Variants in COG5 observed in about 807,000 individuals in gnomAD.
COG5 encodes the protein component of oligomeric golgi complex 5, also known as conserved oligomeric Golgi complex subunit 5.
A neutral mutation model predicts 110.4 loss-of-function variants in COG5; 86 were observed. The ratio of observed to expected loss-of-function variants is 0.78; its 90% CI spans 0.65 to 0.93. The LOEUF (loss-of-function observed/expected upper bound fraction) is 0.93, where lower values mean the gene tolerates loss of function less well. COG5 is among the 40% of genes least tolerant of loss of function. The pLI is 0.00. For missense variants in COG5, 1,077 were observed against 987.0 expected (o/e 1.09, Z -1.22); for synonymous variants, 360 against 334.6 (o/e 1.08, Z -0.83).
At position 107,474,780 on chromosome 7, in the gene COG5, T is replaced by C; in HGVS notation, c.538+52457A>G. Reference sequence around the variant, plus strand: ...CCAAAATACTTCAGGCTCTTAATATTCGAATAGGCACAAGATTTTCAACAG... The same window carrying C: ...CCAAAATACTTCAGGCTCTTAATATCCGAATAGGCACAAGATTTTCAACAG... On this transcript the variant is annotated intron_variant, in intron 6 of 21. Transcript: ENST00000297135. This position sits in a 1 kb window ranked among gnomAD's most constrained non-coding sequence, Gnocchi z 5.7. 1 of 1,611,464 alleles carries C rather than the reference T, an allele frequency of 6.2e-7. No homozygotes were observed. Among genetic ancestry groups the C allele is most frequent in the Non-Finnish European group, 8.5e-7 (1 of 1,179,058 alleles).
chr7:107,252,559 G>A (rs1004128446), intron 16 of COG5, among the ~76,000 whole-genome samples: 2 of 152,122 alleles, frequency 1.3e-5, no homozygotes, highest in Admixed American at 6.5e-5. Flanking sequence ...ATTTAGTGAA[G>A]CCAGTATTAA....
chr7:107,285,044 A>C (rs887268919), intron 12 of COG5, among the ~76,000 whole-genome samples: 2 of 152,204 alleles, frequency 1.3e-5, no homozygotes, highest in South Asian at 2.1e-4. Flanking sequence ...TTCCATAGTT[A>C]TCTCTTAATG....
intron 6 of COG5, among the ~76,000 whole-genome samples, chr7:107,510,762 A>G (rs371001751): frequency 7.2e-5 from 11 of 152,210 alleles, no homozygotes; most frequent in East Asian, 3.8e-4. Context: ...GCTCCACTAC[A>G]TGGAAACTGA....
intron 12 of COG5, among the ~76,000 whole-genome samples, chr7:107,297,443 CTTT>C (rs71314693): frequency 5.1e-5 from 4 of 77,986 alleles, no homozygotes; most frequent in Admixed American, 1.7e-4. Context: ...TACATTCTGC[CTTT>C]TTTTTTTTTT....
At chr7:107,251,690 A>C (rs1802516455) in intron 16 of COG5, among the ~76,000 whole-genome samples, 1 of 152,198 alleles carries the variant, frequency 6.6e-6, no homozygotes, top group South Asian at 2.1e-4. Context: ...CAAGTATAAC[A>C]CAGAAAAATT....
At chr7:107,460,363 ACCCTGGGT>A (rs1184239439) in intron 6 of COG5, among the ~76,000 whole-genome samples, 2 of 151,928 alleles carry the variant, frequency 1.3e-5, no homozygotes, top group Admixed American at 1.3e-4. Context: ...TAATCGTACC[ACCCTGGGT>A]GAGAGAGCAA....
At chr7:107,211,841 T>C (rs1799199471) in intron 19 of COG5, among the ~76,000 whole-genome samples, 1 of 152,236 alleles carries the variant, frequency 6.6e-6, no homozygotes, top group African/African-American at 2.4e-5. Flanking sequence ...ACAAATTATA[T>C]ACCACCTGGT....
intron 10 of COG5, among the ~76,000 whole-genome samples, chr7:107,339,318 A>G (rs1263336167): frequency 6.6e-6 from 1 of 152,132 alleles, no homozygotes; most frequent in East Asian, 1.9e-4. Context: ...CAACAAAAAG[A>G]CTTAACTATA....
chr7:107,462,758 C>A (rs1415495180), intron 6 of COG5, among the ~76,000 whole-genome samples: 1 of 152,078 alleles, frequency 6.6e-6, no homozygotes, highest in Non-Finnish European at 1.5e-5. Context: ...GGATTTATTA[C>A]CATATCTGAT....
At chr7:107,248,989 G>C (rs767599345) in intron 16 of COG5, among the ~76,000 whole-genome samples, 8 of 152,058 alleles carry the variant, frequency 5.3e-5, no homozygotes, top group African/African-American at 9.7e-5. Context: ...TATTATATAG[G>C]AGTTTGTTGT....
intron 6 of COG5, among the ~76,000 whole-genome samples, chr7:107,519,370 T>G (rs1407613789): frequency 6.6e-6 from 1 of 151,922 alleles, no homozygotes; most frequent in Non-Finnish European, 1.5e-5. Flanking sequence ...GAGCTGGTTT[T>G]TTGAAAAAAT....
chr7:107,399,494 C>A (rs1031403371), intron 7 of COG5, among the ~76,000 whole-genome samples: 1 of 152,076 alleles, frequency 6.6e-6, no homozygotes, highest in Non-Finnish European at 1.5e-5. Context: ...GCTCTTTCCC[C>A]TTAGCTCCAC....
At position 107,208,980 on chromosome 7, in the gene COG5, G is replaced by A. The variant is rs1416366049; in HGVS notation, c.2375+1546C>T. 4 of 976,074 alleles carry A rather than the reference G, an allele frequency of 4.1e-6. No individual in the cohort carries two copies. The African/African-American group carries it at 7.0e-5, about 17-fold the overall frequency. The allele number at this position is 976,074 out of a possible 1,614,324, so 60.5% of individuals were successfully genotyped here. On this transcript the variant is annotated intron_variant, in intron 21 of 21. Transcript: ENST00000297135. ...GGGGAGCTATAGAGAAATCCTGATAGCAGGCCTACCCTGGAGATTCTGAGG... is the reference window on the plus strand; with the variant it reads ...GGGGAGCTATAGAGAAATCCTGATAACAGGCCTACCCTGGAGATTCTGAGG...
chr7:107,380,218 T>C (rs1562999925), intron 7 of COG5, among the ~76,000 whole-genome samples: 1 of 151,870 alleles, frequency 6.6e-6, no homozygotes, highest in Non-Finnish European at 1.5e-5. Flanking sequence ...GAGAGAAAGA[T>C]CTAAAATCGA....
At chr7:107,323,773 A>T (rs892411639) in intron 11 of COG5, among the ~76,000 whole-genome samples, 1 of 152,178 alleles carries the variant, frequency 6.6e-6, no homozygotes, top group Non-Finnish European at 1.5e-5. Context: ...CCTTCTAGTA[A>T]ATGCTTGTGA....
intron 17 of COG5, among the ~76,000 whole-genome samples, chr7:107,241,716 T>C (rs1461430814): frequency 2.0e-5 from 3 of 152,126 alleles, no homozygotes; most frequent in Admixed American, 6.5e-5. Flanking sequence ...CCTCCCAAAG[T>C]GCTGGGATTA....
intron 7 of COG5, among the ~76,000 whole-genome samples, chr7:107,403,040 A>T (rs1203026178): frequency 6.6e-6 from 1 of 152,254 alleles, no homozygotes; most frequent in East Asian, 1.9e-4. Flanking sequence ...AATACTACAA[A>T]GCTATTTAAA....
chr7:107,227,002 G>A (rs1800388001), intron 19 of COG5, among the ~76,000 whole-genome samples: 1 of 152,146 alleles, frequency 6.6e-6, no homozygotes, highest in African/African-American at 2.4e-5. Context: ...TCATCTGCAG[G>A]AGGAACCTCA....
intron 8 of COG5, among the ~76,000 whole-genome samples, chr7:107,365,009 G>T (rs552592774): frequency 2.6e-5 from 4 of 152,066 alleles, no homozygotes; most frequent in African/African-American, 4.8e-5. Flanking sequence ...ATAACAGTGA[G>T]AAAAGGGTAT....
Sources: allele counts gnomAD v4.1 joint callset (sites outside exome capture counted in the v4.1 genomes callset), GRCh38; gene constraint gnomAD v4.1.1; non-coding constraint Gnocchi (gnomAD v3.1); transcripts MANE v1.5; gene names NCBI Gene and HGNC (gene_info 2026-07-23, HGNC 2026-07-21).